Variants in CCDC7 observed in about 807,000 individuals in gnomAD.
The protein encoded by CCDC7 is coiled-coil domain-containing protein 7.
Under a neutral mutation model 196.9 loss-of-function variants are expected in CCDC7, and 183 were observed. That is an observed-to-expected ratio of 0.93 (90% CI 0.82 to 1.05). CCDC7 has a LOEUF of 1.05. Among genes scored for constraint, CCDC7 ranks in the 50% least tolerant of loss-of-function variants. The pLI is 0.00. For synonymous variants in CCDC7, 525 were observed against 484.6 expected, an observed-to-expected ratio of 1.08 and a Z score of -1.10; for missense variants, 1,540 against 1,482.2, an observed-to-expected ratio of 1.04 and a Z score of -0.64.
At chr10:32,700,932 T>A (rs1022823266) in intron 24 of CCDC7, among the ~76,000 whole-genome samples, 8 of 152,348 alleles carry the variant, frequency 5.3e-5, no homozygotes, top group Admixed American at 5.2e-4. Context: ...CTGAAGTTGC[T>A]TATCAGCTTA....
intron 31 of CCDC7, among the ~76,000 whole-genome samples, chr10:32,823,004 C>G (rs1018827843): frequency 6.6e-6 from 1 of 152,152 alleles, no homozygotes; most frequent in African/African-American, 2.4e-5. Context: ...AATGAATCAG[C>G]CTTTCTTACT....
At chr10:32,507,203 A>G (rs1198434529) in intron 9 of CCDC7, among the ~76,000 whole-genome samples, 2 of 151,938 alleles carry the variant, frequency 1.3e-5, no homozygotes, top group Non-Finnish European at 2.9e-5. Flanking sequence ...ATGTTGGCCA[A>G]GATGGTCTCG....
chr10:32,852,542 G>T (rs1057465525), intron 40 of CCDC7, among the ~76,000 whole-genome samples: 2 of 152,022 alleles, frequency 1.3e-5, no homozygotes, highest in African/African-American at 2.4e-5. Flanking sequence ...GAGTGCAGTG[G>T]CATGATCTTG....
Position 32,814,361 on chromosome 10 carries a change from T to C in CCDC7, c.3098-9T>C. The C allele has an allele frequency of 6.4e-7, 1 of 1,574,582 alleles. No individual in the cohort carries two copies. Among genetic ancestry groups the C allele is most frequent in the Non-Finnish European group, 8.7e-7 (1 of 1,144,916 alleles). On this transcript the variant is annotated splice_polypyrimidine_tract_variant and intron_variant, in intron 30 of 41. Transcript: ENST00000639629. ...CTTACAGTGTTTTGATACCTGTTTA[T>C]TTCTATAGGGCCTGATATAGAACAA...
chr10:32,498,493 T>C (rs971470426), intron 9 of CCDC7, among the ~76,000 whole-genome samples: 4 of 152,222 alleles, frequency 2.6e-5, no homozygotes, highest in Non-Finnish European at 2.9e-5. Context: ...TCTTTACAAT[T>C]TGGTATGTTT....
chr10:32,507,773 G>C (rs913940763), intron 9 of CCDC7, among the ~76,000 whole-genome samples: 1 of 152,144 alleles, frequency 6.6e-6, no homozygotes, highest in African/African-American at 2.4e-5. Context: ...TTGAAGGACA[G>C]TAATCATATG....
intron 18 of CCDC7, among the ~76,000 whole-genome samples, chr10:32,612,284 T>C (rs2062237210): frequency 6.6e-6 from 1 of 152,228 alleles, no homozygotes; most frequent in African/African-American, 2.4e-5. Flanking sequence ...CCTGAGACTT[T>C]GCTGAAGTTG....
chr10:32,751,556 G>C lies in CCDC7; in HGVS notation c.2905+22099G>C, dbSNP rs140913103. On this transcript the variant is annotated intron_variant, in intron 28 of 41. Transcript: ENST00000639629. ...CTTTAAGTGGGTTATTAAGGCATAT[G>C]TGATATGAGATTGGTAGGCTATGGC... Among the ~76,000 whole-genome samples the C allele has an allele frequency of 2.4e-3, 361 of 152,278 alleles. 2 individuals carry two copies. The highest frequency in any genetic ancestry group is 8.3e-3 in the African/African-American group (343 of 41,568).
chr10:32,868,264 G>C (rs192097324), intron 41 of CCDC7, among the ~76,000 whole-genome samples: 1 of 151,752 alleles, frequency 6.6e-6, no homozygotes, highest in Admixed American at 6.6e-5. Flanking sequence ...TACTCTTTTG[G>C]GTATATAAAT....
intron 28 of CCDC7, among the ~76,000 whole-genome samples, chr10:32,776,793 T>G (rs973784827): frequency 6.6e-6 from 1 of 152,204 alleles, no homozygotes; most frequent in African/African-American, 2.4e-5. Context: ...TAAGGTTAGA[T>G]GATTAGATGA....
At chr10:32,582,141 CT>C (rs1299412017) in intron 16 of CCDC7, among the ~76,000 whole-genome samples, 76 of 61,324 alleles carry the variant, frequency 1.2e-3, no homozygotes, top group African/African-American at 3.6e-3. Flanking sequence ...TATATATATA[CT>C]TTTTTTTTCA....
chr10:32,752,184 C>A (rs2133495941), intron 28 of CCDC7, among the ~76,000 whole-genome samples: 1 of 152,178 alleles, frequency 6.6e-6, no homozygotes, highest in East Asian at 1.9e-4. Context: ...GTACTTAAGT[C>A]CATGGAATAA....
intron 11 of CCDC7, among the ~76,000 whole-genome samples, chr10:32,524,881 G>A (rs528967681): frequency 6.6e-6 from 1 of 152,062 alleles, no homozygotes; most frequent in African/African-American, 2.4e-5. Flanking sequence ...ATATTTTCTT[G>A]CTGGTCTATA....
upstream of CCDC7, among the ~76,000 whole-genome samples, chr10:32,449,551 C>T (rs2032438915): frequency 6.6e-6 from 1 of 151,934 alleles, no homozygotes; most frequent in Admixed American, 6.6e-5. Flanking sequence ...AGCTCATATA[C>T]CCCTGGGGGT....
At chr10:32,688,153 A>G (rs1362925143) in intron 22 of CCDC7, among the ~76,000 whole-genome samples, 2 of 152,022 alleles carry the variant, frequency 1.3e-5, no homozygotes, top group Admixed American at 1.3e-4. Context: ...GTGACACACT[A>G]TACACGGTGC....
In CCDC7 at chr10:32,465,330, T is replaced by C. The variant is rs538783473; in HGVS notation, c.510+2281T>C. ...TATTCATTTACTATACACTATGCTC[T>C]TACTTCCCAAACATTTCTCAATCTA... On this transcript the variant is annotated intron_variant, in intron 5 of 41. Transcript: ENST00000639629. Among the ~76,000 whole-genome samples, 15 of 152,288 alleles carry C rather than the reference T, an allele frequency of 9.8e-5. No individual in the cohort carries two copies. The South Asian group carries it at 3.1e-3, about 32-fold the overall frequency.
intron 33 of CCDC7, among the ~76,000 whole-genome samples, chr10:32,835,993 T>C (rs1404189076): frequency 6.6e-6 from 1 of 152,142 alleles, no homozygotes; most frequent in Non-Finnish European, 1.5e-5. Context: ...CCATTCTCTC[T>C]ATTTGATAAA....
intron 29 of CCDC7, among the ~76,000 whole-genome samples, chr10:32,780,537 T>C (rs914160572): frequency 2.0e-5 from 3 of 151,832 alleles, no homozygotes; most frequent in African/African-American, 4.8e-5. Context: ...TTTGGATGGA[T>C]TGAAGTTGAG....
intron 40 of CCDC7, 133 bp from the exon 42 acceptor site, chr10:32,854,267 G>T: frequency 1.7e-6 from 1 of 592,714 alleles, no homozygotes; most frequent in African/African-American, 1.9e-5. Flanking sequence ...CAGGTAAGCT[G>T]CTTTATCTAA....
Sources: gnomAD v4.1 joint callset for allele counts (sites outside exome capture counted in the v4.1 genomes callset) on GRCh38, gnomAD v4.1.1 for gene constraint, MANE v1.5 for transcripts, NCBI Gene and HGNC (gene_info 2026-07-23, HGNC 2026-07-21) for gene names.